Variants in NAV2 observed in about 807,000 individuals in gnomAD.
NAV2 encodes the protein neuron navigator 2, also known as helicase, APC down-regulated 1.
NAV2 carries 54 observed loss-of-function variants against 223.2 expected under a neutral mutation model. That is an observed-to-expected ratio of 0.24 (90% CI 0.19 to 0.30). The LOEUF is 0.30. NAV2 is among the 10% of genes least tolerant of loss of function. NAV2 has a pLI of 1.00. For synonymous variants in NAV2, 1,279 were observed against 1,239.3 expected (o/e 1.03, Z -0.67); for missense variants, 2,806 against 3,147.5 (o/e 0.89, Z 2.60).
chr11:19,884,928 A>G (rs1303012270), intron 5 of NAV2, among the ~76,000 whole-genome samples: 2 of 152,196 alleles, frequency 1.3e-5, no homozygotes, highest in East Asian at 3.8e-4. Flanking sequence ...GGATGCTCTT[A>G]GGTGCCATGG....
chr11:19,978,032 C>T lies in NAV2; in HGVS notation c.2646-6093C>T, dbSNP rs372645039. On this transcript the variant is annotated intron_variant, in intron 10 of 37. Coordinates refer to ENST00000349880, the MANE Select transcript of NAV2 (RefSeq NM_145117.5). ...TAGAAACGGGGTTTCACTATGTTAG[C>T]CAGGCAGGTCTCAAGCTCCTGACCT... Among the ~76,000 whole-genome samples the T allele has an allele frequency of 2.0e-5, 3 of 151,242 alleles. No homozygotes were observed. In the South Asian group the frequency reaches 6.3e-4, roughly 32 times the overall value.
At chr11:19,370,123 C>T (rs537061743) in intron 1 of NAV2, among the ~76,000 whole-genome samples, 8 of 152,300 alleles carry the variant, frequency 5.3e-5, no homozygotes, top group South Asian at 2.1e-4. Flanking sequence ...CTCCCTGATA[C>T]GCTCTTTCAT....
intron 1 of NAV2, among the ~76,000 whole-genome samples, chr11:19,649,526 C>T (rs1262885406): frequency 2.0e-5 from 3 of 152,166 alleles, no homozygotes; most frequent in Admixed American, 2.0e-4. Context: ...TCCTGGTTCA[C>T]AGATGGCTGT....
rs1175843163 is a variant in NAV2, at chr11:20,119,205, C to G, written c.*947C>G. On this transcript the variant is annotated 3_prime_UTR_variant, in exon 38 of 38. Transcript: ENST00000349880. Reference sequence around the variant, plus strand: ...TGAAGATTTTTTTTTCCCCCTTCCCCTCTTGGTCAGAATCAATCCTTTGGT... The same window carrying G: ...TGAAGATTTTTTTTTCCCCCTTCCCGTCTTGGTCAGAATCAATCCTTTGGT... The G allele has an allele frequency of 6.6e-6, 1 of 151,990 alleles. No individual in the cohort carries two copies. The highest frequency in any genetic ancestry group is 1.5e-5 in the Non-Finnish European group (1 of 68,016). The allele number at this position is 151,990 out of a possible 1,614,324, so 9.4% of individuals were successfully genotyped here. A position where few individuals can be genotyped will look rare whatever the true frequency, so the allele number is the denominator to read the frequency against.
intron 6 of NAV2, among the ~76,000 whole-genome samples, chr11:19,895,431 TAACTC>T (rs1392193787): frequency 6.6e-6 from 1 of 152,160 alleles, no homozygotes; most frequent in Non-Finnish European, 1.5e-5. Context: ...TAAATACTGT[TAACTC>T]AATTTTACAG....
chr11:19,530,562 G>A (rs981447077), intron 1 of NAV2, among the ~76,000 whole-genome samples: 1 of 152,184 alleles, frequency 6.6e-6, no homozygotes, highest in African/African-American at 2.4e-5. Flanking sequence ...ATGGTATCAC[G>A]TGGACTTGAA....
intron 37 of NAV2, 83 bp downstream of exon 37, chr11:20,114,878 C>A: frequency 7.5e-7 from 1 of 1,333,518 alleles, no homozygotes; most frequent in Non-Finnish European, 1.0e-6. Flanking sequence ...TCTGGAAATA[C>A]AAAGGTGACT....
chr11:20,086,837 G>T (rs191736082), intron 26 of NAV2, among the ~76,000 whole-genome samples: 21 of 152,228 alleles, frequency 1.4e-4, no homozygotes, highest in East Asian at 5.8e-4. Context: ...AGACACAGAG[G>T]GGGGCAGAGT....
At chr11:19,946,639 C>A in intron 9 of NAV2, 130 bp downstream of exon 9, 1 of 753,436 alleles carries the variant, frequency 1.3e-6, no homozygotes, top group Non-Finnish European at 2.2e-6. Context: ...TGCCGGAATT[C>A]ACAAAGAATG....
At chr11:19,398,011 G>C (rs760882258) in intron 1 of NAV2, among the ~76,000 whole-genome samples, 1 of 152,208 alleles carries the variant, frequency 6.6e-6, no homozygotes, top group East Asian at 1.9e-4. Context: ...TGGAGAAACA[G>C]ACTGGGGAAA....
intron 1 of NAV2, among the ~76,000 whole-genome samples, chr11:19,595,802 T>G (rs2046191454): frequency 6.6e-6 from 1 of 151,330 alleles, no homozygotes; most frequent in East Asian, 1.9e-4. Context: ...ACTTAAGCAG[T>G]CCCCCTGCCT....
intron 37 of NAV2, among the ~76,000 whole-genome samples, chr11:20,116,545 A>G (rs1185444853): frequency 2.6e-5 from 4 of 152,352 alleles, no homozygotes; most frequent in Non-Finnish European, 2.9e-5. Context: ...CTTAACTTAC[A>G]TAGAAAATAG....
At chr11:19,419,473 C>T (rs193001546) in intron 1 of NAV2, among the ~76,000 whole-genome samples, 1 of 152,182 alleles carries the variant, frequency 6.6e-6, no homozygotes, top group Non-Finnish European at 1.5e-5. Flanking sequence ...CTGCAGCAAT[C>T]GACTGCTCCT....
intron 12 of NAV2, 112 bp from the exon 13 acceptor site, chr11:20,043,869 A>G: frequency 1.1e-6 from 1 of 907,030 alleles, no homozygotes; most frequent in Non-Finnish European, 1.7e-6. Flanking sequence ...CTTTAAAGTA[A>G]TGCTTATTTT....
intron 1 of NAV2, among the ~76,000 whole-genome samples, chr11:19,539,050 A>T (rs1214866108): frequency 6.6e-6 from 1 of 152,226 alleles, no homozygotes; most frequent in Non-Finnish European, 1.5e-5. Context: ...GTAATGCAAG[A>T]GCCCTCTGTC....
chr11:19,682,602 A>C (rs182590488), intron 1 of NAV2, among the ~76,000 whole-genome samples: 41 of 152,346 alleles, frequency 2.7e-4, no homozygotes, highest in African/African-American at 9.6e-4. Context: ...AGGCTATACA[A>C]GCATGGCACC....
chr11:20,112,615 G>A (rs1040833787), intron 36 of NAV2, among the ~76,000 whole-genome samples: 9 of 152,184 alleles, frequency 5.9e-5, no homozygotes, highest in African/African-American at 1.2e-4. Context: ...CCTGCTCCGC[G>A]TCTCCCTGCT....
chr11:19,521,461 A>G (rs931070164), intron 1 of NAV2, among the ~76,000 whole-genome samples: 1 of 152,142 alleles, frequency 6.6e-6, no homozygotes, highest in Non-Finnish European at 1.5e-5. Context: ...TTTGGGTAAG[A>G]TGAAATTAGA....
At chr11:19,956,740 A>G (rs2047918725) in intron 10 of NAV2, among the ~76,000 whole-genome samples, 2 of 151,996 alleles carry the variant, frequency 1.3e-5, no homozygotes, top group Non-Finnish European at 2.9e-5. Flanking sequence ...CCCATAGTTG[A>G]ATGTTTTTTT....
Sources: allele counts gnomAD v4.1 joint callset (sites outside exome capture counted in the v4.1 genomes callset), GRCh38; gene constraint gnomAD v4.1.1; transcripts MANE v1.5; gene names NCBI Gene and HGNC (gene_info 2026-07-23, HGNC 2026-07-21).